EIF4E3: variants seen among roughly 807,000 people sequenced by gnomAD.
The protein encoded by EIF4E3 is eukaryotic translation initiation factor 4E family member 3.
In EIF4E3, 26 loss-of-function variants were observed where a neutral mutation model predicts 31.7. The ratio of observed to expected loss-of-function variants is 0.82; its 90% CI spans 0.60 to 1.14. The LOEUF is 1.14. EIF4E3 is among the 50% of genes most tolerant of loss of function. EIF4E3 has a pLI of 0.00. For synonymous variants in EIF4E3, 128 were observed against 107.7 expected, an observed-to-expected ratio of 1.19 and a Z score of -1.17; for missense variants, 304 against 270.9, an observed-to-expected ratio of 1.12 and a Z score of -0.86.
At chr3:71,726,748 A>C (rs975930938), upstream of EIF4E3, among the ~76,000 whole-genome samples, 1 of 152,250 alleles carries the variant, frequency 6.6e-6, no homozygotes, top group African/African-American at 2.4e-5. Flanking sequence ...AATAAAAACA[A>C]GACCGCTGCT....
chr3:71,734,390 T>C (rs1011466524), intron 1 of EIF4E3, among the ~76,000 whole-genome samples: 2 of 152,198 alleles, frequency 1.3e-5, no homozygotes, highest in African/African-American at 4.8e-5. Flanking sequence ...AGAAATACAC[T>C]GTGAATTATC....
At chr3:71,696,982 C>T (rs919480676) in intron 3 of EIF4E3, among the ~76,000 whole-genome samples, 8 of 151,462 alleles carry the variant, frequency 5.3e-5, no homozygotes, top group African/African-American at 1.7e-4. Context: ...CCTCCCAAAG[C>T]GCTGGGATTA....
chr3:71,702,051 C>A (rs1440642263), intron 2 of EIF4E3, among the ~76,000 whole-genome samples: 1 of 152,146 alleles, frequency 6.6e-6, no homozygotes. Flanking sequence ...CAATTTGATT[C>A]CCAAACCTCT....
chr3:71,740,059 A>T (rs2049804305), intron 1 of EIF4E3, among the ~76,000 whole-genome samples: 1 of 152,062 alleles, frequency 6.6e-6, no homozygotes, highest in South Asian at 2.1e-4. Flanking sequence ...GTGAATCCTA[A>T]ATAAAGCACT....
Position 71,725,308 on chromosome 3 carries a change from G to T in EIF4E3, c.60C>A (p.Arg20=). The T allele has an allele frequency of 1.0e-6, 1 of 982,250 alleles. No individual in the cohort carries two copies. Among genetic ancestry groups the T allele is most frequent in the Non-Finnish European group, 1.2e-6 (1 of 826,740 alleles). The allele number at this position is 982,250 out of a possible 1,614,324, so 60.8% of individuals were successfully genotyped here. ...PAGAREPPGS[R]AAAAAAAPEP... ...CGGGGGCGGCGGCAGCGGCGGCGGC[G>T]CGGGACCCCGGCGGCTCCCGGGCCC... Residue 20 remains arginine (R), a synonymous_variant, in exon 1 of 7, where the codon CGC becomes CGA. Coordinates refer to ENST00000425534, the MANE Select transcript of EIF4E3 (RefSeq NM_001134651.2). This position sits in a 1 kb window ranked among gnomAD's most constrained non-coding sequence, Gnocchi z 6.1.
upstream of EIF4E3, among the ~76,000 whole-genome samples, chr3:71,727,550 A>G (rs1467719300): frequency 2.6e-5 from 4 of 152,118 alleles, no homozygotes; most frequent in Non-Finnish European, 5.9e-5. Flanking sequence ...GTATTTTTAT[A>G]TTTATGGCTT....
intron 1 of EIF4E3, among the ~76,000 whole-genome samples, chr3:71,741,610 A>T (rs1012838307): frequency 6.6e-6 from 1 of 152,228 alleles, no homozygotes; most frequent in African/African-American, 2.4e-5. Context: ...CTGCTAGAAC[A>T]AGTAGACAGA....
chr3:71,742,667 C>T (rs892634290), intron 1 of EIF4E3, among the ~76,000 whole-genome samples: 1 of 151,206 alleles, frequency 6.6e-6, no homozygotes, highest in Non-Finnish European at 1.5e-5. Context: ...AAAGCCAGTA[C>T]AAGAAAAAAA....
At position 71,680,167 on chromosome 3, in the gene EIF4E3, T is replaced by C. The variant is rs1301763572; in HGVS notation, c.*4515A>G. On this transcript the variant is annotated 3_prime_UTR_variant, in exon 7 of 7. Transcript: ENST00000425534. Reference sequence around the variant, plus strand: ...TTCATAAGATTGTTGGTATCATACATTGGAATCAGGTCACCTGACAGAGCT... The same window carrying C: ...TTCATAAGATTGTTGGTATCATACACTGGAATCAGGTCACCTGACAGAGCT... The C allele has an allele frequency of 6.6e-6, 1 of 152,156 alleles. No individual in the cohort carries two copies. Among genetic ancestry groups the C allele is most frequent in the Non-Finnish European group, 1.5e-5 (1 of 68,016 alleles). The allele number at this position is 152,156 out of a possible 1,614,324, so 9.4% of individuals were successfully genotyped here. A position where few individuals can be genotyped will look rare whatever the true frequency, so the allele number is the denominator to read the frequency against.
intron 1 of EIF4E3, among the ~76,000 whole-genome samples, chr3:71,735,283 G>A (rs1029650485): frequency 1.5e-4 from 23 of 151,958 alleles, no homozygotes; most frequent in African/African-American, 4.8e-4. Context: ...CTCATAAAAC[G>A]AAGAATTAAA....
At chr3:71,663,206 T>A in the EIF4E3 span, among the ~76,000 whole-genome samples, 1 of 152,216 alleles carries the variant, frequency 6.6e-6, no homozygotes, top group Non-Finnish European at 1.5e-5. Flanking sequence ...ATGGGTCTCC[T>A]CGCCTGTTGT....
the EIF4E3 span, among the ~76,000 whole-genome samples, chr3:71,669,048 T>C: frequency 2.0e-5 from 3 of 152,078 alleles, no homozygotes; most frequent in African/African-American, 7.2e-5. Context: ...ATATGCACCA[T>C]GGAATACTAT....
intron 1 of EIF4E3, among the ~76,000 whole-genome samples, chr3:71,716,596 A>G (rs998590323): frequency 6.6e-6 from 1 of 152,138 alleles, no homozygotes; most frequent in Admixed American, 6.5e-5. Context: ...ACCACATATC[A>G]TGTTGTACAT....
At chr3:71,751,057 C>CGGT (rs2049923990) in intron 1 of EIF4E3, among the ~76,000 whole-genome samples, 1 of 151,980 alleles carries the variant, frequency 6.6e-6, no homozygotes, top group Non-Finnish European at 1.5e-5. Flanking sequence ...CCACCGCATC[C>CGGT]GGCCTCTACA....
chr3:71,713,820 G>A lies in EIF4E3; in HGVS notation c.177-3336C>T, dbSNP rs188155039. On this transcript the variant is annotated intron_variant, in intron 1 of 6. Transcript: ENST00000425534. ...TTAAAATAGTCTTTCCAATGGATAGGGTAGGGAAGATCTTCACAAAAACCA... is the reference window on the plus strand; with the variant it reads ...TTAAAATAGTCTTTCCAATGGATAGAGTAGGGAAGATCTTCACAAAAACCA... Among the ~76,000 whole-genome samples, 231 of 152,122 alleles carry A rather than the reference G, an allele frequency of 1.5e-3. 5 individuals carry two copies. The highest frequency in any genetic ancestry group is 0.015 in the Admixed American group (225 of 15,270).
At chr3:71,702,400 G>A (rs1037379127) in intron 2 of EIF4E3, among the ~76,000 whole-genome samples, 3 of 152,148 alleles carry the variant, frequency 2.0e-5, no homozygotes, top group Non-Finnish European at 2.9e-5. Flanking sequence ...AGTTCCTGCC[G>A]TCATACCCCG....
intron 2 of EIF4E3, among the ~76,000 whole-genome samples, chr3:71,703,735 T>C (rs1247601161): frequency 6.7e-6 from 1 of 148,858 alleles, no homozygotes; most frequent in African/African-American, 2.5e-5. Flanking sequence ...AAAGATGTCA[T>C]GTGTTGACAG....
chr3:71,689,127 AC>A (rs1243831036), intron 6 of EIF4E3, among the ~76,000 whole-genome samples: 1 of 152,236 alleles, frequency 6.6e-6, no homozygotes, highest in African/African-American at 2.4e-5. Context: ...ATAATGTGTT[AC>A]AGTTTAATTG....
At chr3:71,707,754 C>A (rs750926746) in intron 2 of EIF4E3, among the ~76,000 whole-genome samples, 15 of 152,134 alleles carry the variant, frequency 9.9e-5, no homozygotes, top group Non-Finnish European at 2.1e-4. Context: ...CACTGATCTA[C>A]TTCCCCTGCA....
Sources: gnomAD v4.1 joint callset for allele counts (sites outside exome capture counted in the v4.1 genomes callset) on GRCh38, gnomAD v4.1.1 for gene constraint, Gnocchi (gnomAD v3.1) non-coding constraint, MANE v1.5 for transcripts, NCBI Gene and HGNC (gene_info 2026-07-23, HGNC 2026-07-21) for gene names.